The following TXLNB variants were observed in gnomAD, a reference collection of about 807,000 sequenced individuals.
TXLNB encodes the protein beta-taxilin.
TXLNB carries 37 observed loss-of-function variants against 57.4 expected under a neutral mutation model. The ratio of observed to expected loss-of-function variants is 0.64; its 90% CI spans 0.50 to 0.85. The LOEUF (loss-of-function observed/expected upper bound fraction) is 0.85, where lower values mean the gene tolerates loss of function less well. Among genes scored for constraint, TXLNB ranks in the 40% least tolerant of loss-of-function variants. The pLI is 0.00. For synonymous variants in TXLNB, 302 were observed against 309.6 expected (o/e 0.98, Z 0.26); for missense variants, 848 against 825.6 (o/e 1.03, Z -0.33).
intron 4 of TXLNB, among the ~76,000 whole-genome samples, chr6:139,269,425 C>T (rs995610087): frequency 1.3e-5 from 2 of 152,172 alleles, no homozygotes; most frequent in Non-Finnish European, 2.9e-5. Flanking sequence ...CCTCAGGCCC[C>T]CATTCGGCCT....
chr6:139,184,449 G>A, the TXLNB span, among the ~76,000 whole-genome samples: 2 of 152,176 alleles, frequency 1.3e-5, no homozygotes, highest in African/African-American at 4.8e-5. Flanking sequence ...TTTAGAAAAA[G>A]AACACTTTCT....
At chr6:139,199,698 T>C in the TXLNB span, among the ~76,000 whole-genome samples, 5 of 152,076 alleles carry the variant, frequency 3.3e-5, no homozygotes, top group Middle Eastern at 3.2e-3. Flanking sequence ...GCTTTGCTGG[T>C]AAGGGATGCT....
At chr6:139,222,577 C>T in the TXLNB span, among the ~76,000 whole-genome samples, 2 of 152,142 alleles carry the variant, frequency 1.3e-5, no homozygotes, top group Non-Finnish European at 2.9e-5. Context: ...GAAGCCGAGG[C>T]AGGTGAATCA....
At chr6:139,206,920 G>A in the TXLNB span, among the ~76,000 whole-genome samples, 2 of 152,088 alleles carry the variant, frequency 1.3e-5, no homozygotes, top group African/African-American at 4.8e-5. Flanking sequence ...AGTGATAGAA[G>A]GATTAGTCCA....
chr6:139,265,734 G>C (rs954108666), intron 4 of TXLNB, among the ~76,000 whole-genome samples: 10 of 152,192 alleles, frequency 6.6e-5, no homozygotes, highest in African/African-American at 1.9e-4. Context: ...ACAGACTCTA[G>C]AGGGAAGTTG....
chr6:139,289,292 C>T lies in TXLNB; in HGVS notation c.-14-379G>A, dbSNP rs1380570912. 3.3e-5 allele frequency among the ~76,000 whole-genome samples: 5 copies of T among 152,010 alleles called. No homozygotes were observed. The East Asian group carries it at 9.7e-4, about 29-fold the overall frequency. On this transcript the variant is annotated intron_variant, in intron 1 of 9. Transcript: ENST00000358430. ...TGAAAATCCCTATCCTGTTTTGTTT[C>T]GATCTAATTACCGGTGCATGCAGCC... is the stretch of plus-strand genomic sequence containing the variant.
the TXLNB span, among the ~76,000 whole-genome samples, chr6:139,210,742 G>C: frequency 1.3e-5 from 2 of 152,224 alleles, no homozygotes; most frequent in African/African-American, 2.4e-5. Context: ...TCAAAGAAAG[G>C]GGTGACAGAT....
At chr6:139,189,052 C>T in the TXLNB span, among the ~76,000 whole-genome samples, 1 of 152,222 alleles carries the variant, frequency 6.6e-6, no homozygotes, top group Non-Finnish European at 1.5e-5. Context: ...CCACCATGCC[C>T]GGCCCAGATT....
the TXLNB span, chr6:139,183,251 A>C: frequency 6.6e-6 from 1 of 152,216 alleles, no homozygotes; most frequent in African/African-American, 2.4e-5. Context: ...CTAGTCCTCA[A>C]AGTGAGATTC....
intron 7 of TXLNB, among the ~76,000 whole-genome samples, chr6:139,250,712 T>C (rs1263297426): frequency 6.6e-6 from 1 of 152,188 alleles, no homozygotes; most frequent in Non-Finnish European, 1.5e-5. Context: ...GTCCTCCCGA[T>C]CCCTCTTGCA....
chr6:139,218,035 CT>C, the TXLNB span, among the ~76,000 whole-genome samples: 1 of 152,132 alleles, frequency 6.6e-6, no homozygotes, highest in Non-Finnish European at 1.5e-5. Context: ...ACCTGCATAA[CT>C]CATTAGACTA....
At chr6:139,163,313 T>C in the TXLNB span, among the ~76,000 whole-genome samples, 1 of 151,712 alleles carries the variant, frequency 6.6e-6, no homozygotes, top group South Asian at 2.1e-4. Context: ...GAAGCACCGA[T>C]GTTACCTGGT....
At chr6:139,251,795 C>T (rs1281948980) in intron 7 of TXLNB, among the ~76,000 whole-genome samples, 1 of 152,234 alleles carries the variant, frequency 6.6e-6, no homozygotes, top group African/African-American at 2.4e-5. Flanking sequence ...CAGGAATCAT[C>T]TTGGTGAACC....
At position 139,242,974 on chromosome 6, in the gene TXLNB, G is replaced by GC. The variant is rs1190635637; in HGVS notation, c.1606dup (p.Ala536GlyfsTer29). On this transcript the variant is annotated frameshift_variant, in exon 10 of 10. Transcript: ENST00000358430. LOFTEE classifies it low-confidence loss of function (END_TRUNC). ...GGGTTGCTCTGGCTCCTTGAGAGCG[G>GC]CGTCAGCACTCTCCTGAGAACTGCC... 2.5e-6 allele frequency: 4 copies of GC among 1,614,164 alleles called. No homozygotes were observed. Among genetic ancestry groups the GC allele is most frequent in the Non-Finnish European group, 3.4e-6 (4 of 1,180,030 alleles).
chr6:139,316,375 G>A, the TXLNB span, among the ~76,000 whole-genome samples: 1 of 152,162 alleles, frequency 6.6e-6, no homozygotes, highest in Non-Finnish European at 1.5e-5. Flanking sequence ...GGTGATGTTT[G>A]ATCACCCTGG....
chr6:139,176,045 A>G, the TXLNB span, among the ~76,000 whole-genome samples: 12 of 152,286 alleles, frequency 7.9e-5, no homozygotes, highest in Non-Finnish European at 1.5e-4. This position sits in a 1 kb window ranked among gnomAD's most constrained non-coding sequence, Gnocchi z 4.5. Flanking sequence ...TTAGAAAGGT[A>G]TAACAGTGTG....
the TXLNB span, among the ~76,000 whole-genome samples, chr6:139,208,358 C>T: frequency 1.3e-5 from 2 of 152,068 alleles, no homozygotes; most frequent in Non-Finnish European, 2.9e-5. Flanking sequence ...CTGAATTCTA[C>T]CAGACATCTA....
intron 4 of TXLNB, among the ~76,000 whole-genome samples, chr6:139,266,837 C>T (rs1481928947): frequency 2.0e-5 from 3 of 151,098 alleles, no homozygotes; most frequent in Admixed American, 6.6e-5. Context: ...AAGATCAATA[C>T]AAAGACCTTG....
the TXLNB span, among the ~76,000 whole-genome samples, chr6:139,207,992 C>T: frequency 6.2e-3 from 948 of 152,136 alleles, 7 homozygotes; most frequent in African/African-American, 0.021. Flanking sequence ...ATGAGAATTG[C>T]TTGGGCCTGG....
Sources: gnomAD v4.1 joint callset for allele counts (sites outside exome capture counted in the v4.1 genomes callset) on GRCh38, gnomAD v4.1.1 for gene constraint, Gnocchi (gnomAD v3.1) non-coding constraint, MANE v1.5 for transcripts, NCBI Gene and HGNC (gene_info 2026-07-23, HGNC 2026-07-21) for gene names.